The following NOS1AP variants were observed in gnomAD, a reference collection of about 807,000 sequenced individuals.
The protein encoded by NOS1AP is carboxyl-terminal PDZ ligand of neuronal nitric oxide synthase protein.
Under a neutral mutation model 56.2 loss-of-function variants are expected in NOS1AP, and 21 were observed. The observed-to-expected ratio is 0.37, with a 90% confidence interval of 0.26 to 0.54. The LOEUF is 0.54. Among genes scored for constraint, NOS1AP ranks in the 20% least tolerant of loss-of-function variants. NOS1AP has a pLI of 0.84. For synonymous variants in NOS1AP, 270 were observed against 274.6 expected, an observed-to-expected ratio of 0.98 and a Z score of 0.17; for missense variants, 522 against 657.8, an observed-to-expected ratio of 0.79 and a Z score of 2.26.
At chr1:162,109,385 A>G (rs12083251) in intron 1 of NOS1AP, among the ~76,000 whole-genome samples, 7,754 of 152,278 alleles carry the variant, frequency 0.051, 292 homozygotes, top group East Asian at 0.18. Context: ...CGTTGTGGCA[A>G]TTATATTTAA....
intron 1 of NOS1AP, among the ~76,000 whole-genome samples, chr1:162,117,819 T>TTG (rs1363476639): frequency 6.6e-6 from 1 of 152,136 alleles, no homozygotes; most frequent in East Asian, 1.9e-4. Context: ...CTAGCCCAGG[T>TTG]TGTGTGTGTG....
intron 2 of NOS1AP, among the ~76,000 whole-genome samples, chr1:162,235,057 G>A (rs1653243119): frequency 6.6e-6 from 1 of 152,264 alleles, no homozygotes; most frequent in South Asian, 2.1e-4. Context: ...TTAAACCTGA[G>A]CGTTCCTTCA....
chr1:162,288,483 C>G (rs1188837974), intron 3 of NOS1AP, among the ~76,000 whole-genome samples: 3 of 152,220 alleles, frequency 2.0e-5, no homozygotes, highest in Middle Eastern at 6.8e-3. Context: ...AACCATATAG[C>G]TGAGAGAGAT....
chr1:162,126,503 A>G (rs1648493459), intron 1 of NOS1AP, among the ~76,000 whole-genome samples: 1 of 149,658 alleles, frequency 6.7e-6, no homozygotes, highest in South Asian at 2.1e-4. Context: ...TAACCTTCAC[A>G]GTTTGGTTAA....
intron 2 of NOS1AP, among the ~76,000 whole-genome samples, chr1:162,160,259 T>C (rs55687081): frequency 0.14 from 21,201 of 152,132 alleles, 2,000 homozygotes; most frequent in African/African-American, 0.26. Flanking sequence ...AGTGTGGCAC[T>C]CTGGAGTGGT....
rs114677743 is a variant in NOS1AP at position 162,340,083 on chromosome 1, A to G, written c.454-3752A>G. On this transcript the variant is annotated intron_variant, in intron 5 of 9. Transcript: ENST00000361897. ...GCAATTCTTTTATGTGTATGTATGT[A>G]GTCATTCTGTGAAACAGTTAGAGTA... 6.2e-3 allele frequency among the ~76,000 whole-genome samples: 943 copies of G among 152,314 alleles called. 5 individuals carry two copies. Among genetic ancestry groups the G allele is most frequent in the African/African-American group, 0.021 (886 of 41,564 alleles).
chr1:162,283,522 A>G (rs1654998666), intron 2 of NOS1AP, among the ~76,000 whole-genome samples: 1 of 152,102 alleles, frequency 6.6e-6, no homozygotes, highest in Non-Finnish European at 1.5e-5. Flanking sequence ...GAGGCTGCTG[A>G]TCTGTCAGCA....
intron 1 of NOS1AP, among the ~76,000 whole-genome samples, chr1:162,150,904 G>A (rs1649677883): frequency 6.6e-6 from 1 of 152,164 alleles, no homozygotes; most frequent in African/African-American, 2.4e-5. Flanking sequence ...CTCCCATCCT[G>A]TGGATTGTCT....
chr1:162,161,837 G>A (rs182813906), intron 2 of NOS1AP, among the ~76,000 whole-genome samples: 119 of 152,222 alleles, frequency 7.8e-4, no homozygotes, highest in Non-Finnish European at 1.6e-3. Flanking sequence ...AGGGCATTGG[G>A]GTCAGAAAAC....
intron 2 of NOS1AP, among the ~76,000 whole-genome samples, chr1:162,213,790 G>A (rs1179548155): frequency 6.6e-6 from 1 of 152,206 alleles, no homozygotes; most frequent in Non-Finnish European, 1.5e-5. Context: ...AGAAGGCGCC[G>A]CCGCTCGTGT....
At position 162,216,036 on chromosome 1, in the gene NOS1AP, G is replaced by A. The variant is rs181795180; in HGVS notation, c.177+61560G>A. ...TTGTGGGATGGCGAGTGGAGACCATGCTGAGCCTCTCATTTGCACTTTTAT... is the reference window on the plus strand; with the variant it reads ...TTGTGGGATGGCGAGTGGAGACCATACTGAGCCTCTCATTTGCACTTTTAT... On this transcript the variant is annotated intron_variant, in intron 2 of 9. Coordinates refer to ENST00000361897, the MANE Select transcript of NOS1AP (RefSeq NM_014697.3). 2.0e-5 allele frequency among the ~76,000 whole-genome samples: 3 copies of A among 152,310 alleles called. No homozygotes were observed. The East Asian group carries it at 5.8e-4, about 29-fold the overall frequency.
chr1:162,184,891 T>G (rs1489394104), intron 2 of NOS1AP, among the ~76,000 whole-genome samples: 1 of 152,248 alleles, frequency 6.6e-6, no homozygotes, highest in Non-Finnish European at 1.5e-5. Flanking sequence ...CTGTAACAAA[T>G]TACCACAAAC....
intron 1 of NOS1AP, among the ~76,000 whole-genome samples, chr1:162,145,602 G>A (rs182615327): frequency 2.0e-5 from 3 of 152,260 alleles, no homozygotes; most frequent in Non-Finnish European, 2.9e-5. Context: ...TCAGCAGGAC[G>A]CTCAGCTGTG....
chr1:162,236,332 C>A (rs941703851), intron 2 of NOS1AP, among the ~76,000 whole-genome samples: 1 of 152,146 alleles, frequency 6.6e-6, no homozygotes, highest in Non-Finnish European at 1.5e-5. Flanking sequence ...TATATTGAGC[C>A]CCTATGAACC....
intron 2 of NOS1AP, among the ~76,000 whole-genome samples, chr1:162,277,223 G>A (rs1049964859): frequency 6.6e-6 from 1 of 152,228 alleles, no homozygotes; most frequent in Non-Finnish European, 1.5e-5. Flanking sequence ...TCTTCTGGGT[G>A]TAGCTTCCAG....
chr1:162,077,596 A>T (rs1442827967), intron 1 of NOS1AP, among the ~76,000 whole-genome samples: 1 of 151,926 alleles, frequency 6.6e-6, no homozygotes, highest in Admixed American at 6.6e-5. Flanking sequence ...AATTTTGGTG[A>T]AGTCCAATTT....
At chr1:162,249,079 T>A (rs1653766808) in intron 2 of NOS1AP, among the ~76,000 whole-genome samples, 2 of 152,138 alleles carry the variant, frequency 1.3e-5, no homozygotes, top group South Asian at 4.1e-4. Context: ...CTTGAATGGA[T>A]CAGCGTGGGG....
Position 162,261,513 on chromosome 1 carries a change from A to AAGAGAAGAGAAGAGAAGAGAG in NOS1AP, c.178-25831_178-25830insAGAGAAGAGAAGAGAAGAGAG, listed in dbSNP as rs1557853869. On this transcript the variant is annotated intron_variant, in intron 2 of 9. Transcript: ENST00000361897. ...GAGAGAGAGAGAGAGAGAGAGAGAGAGAGAGAGAGAGAGAGAGAGAGAGAG... is the reference window on the plus strand; with the variant it reads ...GAGAGAGAGAGAGAGAGAGAGAGAGAAGAGAAGAGAAGAGAAGAGAGGAGAGAGAGAGAGAGAGAGAGAGAG... Among the ~76,000 whole-genome samples, 2 of 21,612 alleles carry AAGAGAAGAGAAGAGAAGAGAG rather than the reference A, an allele frequency of 9.3e-5. 1 individual carries two copies. Among genetic ancestry groups the AAGAGAAGAGAAGAGAAGAGAG allele is most frequent in the Admixed American group, 6.6e-4 (2 of 3,010 alleles). The allele number at this position is 21,612 out of a possible 152,430, so 14.2% of individuals were successfully genotyped here.
At chr1:162,110,987 A>G (rs1326967147) in intron 1 of NOS1AP, among the ~76,000 whole-genome samples, 1 of 152,224 alleles carries the variant, frequency 6.6e-6, no homozygotes, top group Non-Finnish European at 1.5e-5. Context: ...ACTCTATGCC[A>G]GGTACTGTCT....
Sources: allele counts gnomAD v4.1 joint callset (sites outside exome capture counted in the v4.1 genomes callset), GRCh38; gene constraint gnomAD v4.1.1; transcripts MANE v1.5; gene names NCBI Gene and HGNC (gene_info 2026-07-23, HGNC 2026-07-21).